CDH13: variants seen among roughly 807,000 people sequenced by gnomAD.
CDH13 encodes the protein cadherin 13.
CDH13 carries 24 observed loss-of-function variants against 63.8 expected under a neutral mutation model. That is an observed-to-expected ratio of 0.38 (90% confidence interval 0.27 to 0.53). The LOEUF (loss-of-function observed/expected upper bound fraction) is 0.53. Ranked by LOEUF, CDH13 falls within the 20% of genes least tolerant of loss-of-function variation. CDH13 has a pLI of 0.85. For synonymous variants in CDH13, 503 were observed against 355.3 expected, an observed-to-expected ratio of 1.42 and a Z score of -4.67; for missense variants, 1,049 against 903.1, an observed-to-expected ratio of 1.16 and a Z score of -2.07.
intron 11 of CDH13, among the ~76,000 whole-genome samples, chr16:83,778,022 G>C (rs986389702): frequency 6.6e-6 from 1 of 152,128 alleles, no homozygotes; most frequent in African/African-American, 2.4e-5. Flanking sequence ...TAATTTTAGA[G>C]GTGCTTCAAA....
chr16:83,215,073 C>CTTTTTTT (rs571565652), intron 4 of CDH13, among the ~76,000 whole-genome samples: 3,856 of 56,116 alleles, frequency 0.069, 1,130 homozygotes, highest in African/African-American at 0.1. Flanking sequence ...TCAAACACCT[C>CTTTTTTT]TTTTTTTTTT....
chr16:83,111,002 C>CAAAAA (rs398030036), intron 3 of CDH13, among the ~76,000 whole-genome samples: 6,812 of 106,030 alleles, frequency 0.064, 277 homozygotes, highest in Non-Finnish European at 0.074. Flanking sequence ...TAGGTTGTTG[C>CAAAAA]AAAAAAAAAA....
chr16:83,627,998 C>G (rs541927804), intron 8 of CDH13, among the ~76,000 whole-genome samples: 10 of 152,160 alleles, frequency 6.6e-5, no homozygotes, highest in Non-Finnish European at 1.3e-4. Context: ...CATTTGTAAA[C>G]TGTCATAGCG....
At chr16:83,195,626 C>G (rs1219784941) in intron 4 of CDH13, among the ~76,000 whole-genome samples, 1 of 152,118 alleles carries the variant, frequency 6.6e-6, no homozygotes, top group East Asian at 1.9e-4. Flanking sequence ...ATCCCATCAC[C>G]TCCCACCAAG....
intron 5 of CDH13, among the ~76,000 whole-genome samples, chr16:83,324,028 T>TTTC (rs57354949): frequency 0.54 from 77,138 of 141,798 alleles, 21,173 homozygotes; most frequent in South Asian, 0.64. Flanking sequence ...CACAGGTTTA[T>TTTC]TTCTTCTTCT....
At position 83,047,140 on chromosome 16, in the gene CDH13, A is replaced by G. The variant is rs1241976453; in HGVS notation, c.366+14922A>G. On this transcript the variant is annotated intron_variant, in intron 3 of 13. Coordinates refer to ENST00000567109, the MANE Select transcript of CDH13 (RefSeq NM_001257.5). The surrounding 1 kb of genome is among the most constrained non-coding windows in gnomAD (Gnocchi z 4.9). ...AAGATATAAAGCTTTAAACAGTAGT[A>G]GTTCTCCGTGAGACCCAAGGAAAGG... Among the ~76,000 whole-genome samples, 2 of 152,198 alleles carry G rather than the reference A, an allele frequency of 1.3e-5. No individual in the cohort carries two copies. Among genetic ancestry groups the G allele is most frequent in the East Asian group, 1.9e-4 (1 of 5,200 alleles).
intron 3 of CDH13, among the ~76,000 whole-genome samples, chr16:83,036,044 G>A (rs551147683): frequency 6.6e-6 from 1 of 152,000 alleles, no homozygotes; most frequent in African/African-American, 2.4e-5. Context: ...AGGAGACTGA[G>A]ACACAATGGG....
intron 9 of CDH13, among the ~76,000 whole-genome samples, chr16:83,673,041 C>G (rs1035678153): frequency 4.6e-5 from 7 of 152,200 alleles, no homozygotes; most frequent in Admixed American, 3.9e-4. Flanking sequence ...TGCATTACTG[C>G]TAGTCCCCAT....
intron 7 of CDH13, among the ~76,000 whole-genome samples, chr16:83,558,396 G>A (rs2075642285): frequency 6.6e-6 from 1 of 152,160 alleles, no homozygotes; most frequent in African/African-American, 2.4e-5. Context: ...GGGAATTTAA[G>A]AGCATCTAGA....
In CDH13 at chr16:82,886,411, G is replaced by A. The variant is rs115288888; in HGVS notation, c.157+27938G>A. 3.3e-3 allele frequency among the ~76,000 whole-genome samples: 501 copies of A among 152,206 alleles called. 3 individuals are homozygous for A. Among genetic ancestry groups the A allele is most frequent in the African/African-American group, 9.5e-3 (393 of 41,524 alleles). On this transcript the variant is annotated intron_variant, in intron 2 of 13. Coordinates refer to ENST00000567109, the MANE Select transcript of CDH13 (RefSeq NM_001257.5). ...CAGTGTATGTGTTATCACTGCAAAC[G>A]TTTGCCATTTCGGTAGACAAACATG...
chr16:83,716,408 G>A (rs554877687), intron 10 of CDH13, among the ~76,000 whole-genome samples: 4 of 152,084 alleles, frequency 2.6e-5, no homozygotes, highest in Non-Finnish European at 4.4e-5. Flanking sequence ...TAAATATCCC[G>A]TGTGCTCCAC....
At chr16:83,643,407 A>T (rs987242891) in intron 8 of CDH13, among the ~76,000 whole-genome samples, 2 of 133,724 alleles carry the variant, frequency 1.5e-5, no homozygotes, top group Admixed American at 1.4e-4. Context: ...GTGTGATCAC[A>T]CTCTCTTCAG....
intron 1 of CDH13, among the ~76,000 whole-genome samples, chr16:82,725,113 GTGATGGTGATGTTGATGGTC>G (rs2033019508): frequency 7.5e-6 from 1 of 134,152 alleles, no homozygotes; most frequent in Non-Finnish European, 1.7e-5. Flanking sequence ...TGTGCGGATG[GTGATGGTGATGTTGATGGTC>G]ATGGTGATGG....
intron 11 of CDH13, among the ~76,000 whole-genome samples, chr16:83,777,664 T>A (rs1190619062): frequency 6.6e-6 from 1 of 152,246 alleles, no homozygotes; most frequent in African/African-American, 2.4e-5. Flanking sequence ...ACTGTCTAAG[T>A]AATAAGCTGT....
chr16:83,301,273 C>T (rs535722585), intron 5 of CDH13, among the ~76,000 whole-genome samples: 1 of 152,056 alleles, frequency 6.6e-6, no homozygotes, highest in South Asian at 2.1e-4. Flanking sequence ...CCTCATGATC[C>T]GCCCGCCTCA....
chr16:83,378,759 A>C (rs2091502598), intron 6 of CDH13, among the ~76,000 whole-genome samples: 1 of 152,158 alleles, frequency 6.6e-6, no homozygotes, highest in Admixed American at 6.5e-5. Flanking sequence ...GATAATTCCC[A>C]GACTTGTAGG....
chr16:83,721,089 G>A (rs1909633455), intron 10 of CDH13: 1 of 152,292 alleles, frequency 6.6e-6, no homozygotes, highest in Non-Finnish European at 1.5e-5. Context: ...AGACTGAGAA[G>A]TGGGTTCAGT....
chr16:83,707,736 C>T (rs902184529), intron 10 of CDH13, among the ~76,000 whole-genome samples: 1 of 137,624 alleles, frequency 7.3e-6, no homozygotes, highest in African/African-American at 2.7e-5. Flanking sequence ...ATTGAGTGAA[C>T]AAATAGAAAG....
At chr16:83,163,844 C>A (rs1397485355) in intron 4 of CDH13, among the ~76,000 whole-genome samples, 1 of 152,044 alleles carries the variant, frequency 6.6e-6, no homozygotes, top group African/African-American at 2.4e-5. Context: ...TTATTTTGTT[C>A]AGTTTTTAAT....
Sources: gnomAD v4.1 joint callset for allele counts (sites outside exome capture counted in the v4.1 genomes callset) on GRCh38, gnomAD v4.1.1 for gene constraint, Gnocchi (gnomAD v3.1) non-coding constraint, MANE v1.5 for transcripts, NCBI Gene and HGNC (gene_info 2026-07-23, HGNC 2026-07-21) for gene names.